PCDHGA7: variants seen among roughly 807,000 people sequenced by gnomAD.
The protein encoded by PCDHGA7 is protocadherin gamma-A7.
In PCDHGA7, 44 loss-of-function variants were observed where a neutral mutation model predicts 58.3. The observed-to-expected ratio is 0.75, with a 90% CI of 0.59 to 0.97. The LOEUF (loss-of-function observed/expected upper bound fraction) is 0.97. Ranked by LOEUF, PCDHGA7 falls within the 50% of genes least tolerant of loss-of-function variation. The pLI, the probability that PCDHGA7 is intolerant of heterozygous loss-of-function variation, is 0.00. For synonymous variants in PCDHGA7, 516 were observed against 504.2 expected, an observed-to-expected ratio of 1.02 and a Z score of -0.31; for missense variants, 1,266 against 1,188.7, an observed-to-expected ratio of 1.06 and a Z score of -0.96.
At chr5:141,395,220 G>A (rs1331532806) in intron 1 of PCDHGA7, 1 of 1,611,732 alleles carries the variant, frequency 6.2e-7, no homozygotes, top group Non-Finnish European at 8.5e-7. Flanking sequence ...ATATAAGAAT[G>A]AAGCTGATCA....
intron 1 of PCDHGA7, chr5:141,403,036 C>T: frequency 1.9e-6 from 3 of 1,614,080 alleles, no homozygotes; most frequent in Non-Finnish European, 2.5e-6. Context: ...AGGCCAGGGC[C>T]AGTCAGATTC....
chr5:141,390,264 G>C lies in PCDHGA7; in HGVS notation c.2424+4941G>C, dbSNP rs771554792. 18 of 1,614,004 alleles carry C rather than the reference G, an allele frequency of 1.1e-5. No individual in the cohort carries two copies. In the African/African-American group the frequency reaches 2.1e-4, roughly 19 times the overall value. Reference sequence around the variant, plus strand: ...CTTATTTCCACTTTGTAATTCCAGTGAATTGACTTCCCATCAGGTGAGTTT... The same window carrying C: ...CTTATTTCCACTTTGTAATTCCAGTCAATTGACTTCCCATCAGGTGAGTTT... On this transcript the variant is annotated intron_variant, in intron 1 of 3. Coordinates refer to ENST00000518325, the MANE Select transcript of PCDHGA7 (RefSeq NM_018920.4).
chr5:141,398,408 A>G (rs2093653088), intron 1 of PCDHGA7: 1 of 1,473,232 alleles, frequency 6.8e-7, no homozygotes, highest in African/African-American at 1.4e-5. Flanking sequence ...GACAGGGAGG[A>G]GATATGCGGG....
chr5:141,400,145 A>T (rs543908773), intron 1 of PCDHGA7: 6 of 1,613,314 alleles, frequency 3.7e-6, no homozygotes, highest in Non-Finnish European at 4.2e-6. Flanking sequence ...GATATCACTG[A>T]CCGCCCTGTA....
intron 1 of PCDHGA7, chr5:141,409,191 A>G: frequency 1.2e-6 from 2 of 1,613,970 alleles, no homozygotes; most frequent in African/African-American, 2.7e-5. Flanking sequence ...CTCTCTACCC[A>G]GTGTAAAGTA....
At chr5:141,388,798 TA>T in intron 1 of PCDHGA7, 3 of 1,613,888 alleles carry the variant, frequency 1.9e-6, no homozygotes, top group Non-Finnish European at 2.5e-6. Flanking sequence ...TTAAATACAT[TA>T]GATTTTGAAG....
chr5:141,455,660 G>A (rs1485792613), intron 1 of PCDHGA7, among the ~76,000 whole-genome samples: 1 of 152,134 alleles, frequency 6.6e-6, no homozygotes, highest in Non-Finnish European at 1.5e-5. Flanking sequence ...CCAGGAACTT[G>A]TGGGGCAAGG....
intron 1 of PCDHGA7, chr5:141,404,904 AG>A: frequency 3.1e-6 from 5 of 1,613,864 alleles, no homozygotes; most frequent in Non-Finnish European, 4.2e-6. Flanking sequence ...GACCATGGCC[AG>A]CCCCCTCTCT....
rs762530904 is a variant in PCDHGA7, at chr5:141,422,966, C to T, written c.2424+37643C>T. The T allele has an allele frequency of 2.5e-6, 4 of 1,614,112 alleles. No individual in the cohort carries two copies. The East Asian group carries it at 8.9e-5, about 36-fold the overall frequency. ...GGCTCCACTGGCGTGGAGCTGGCGC[C>T]CCGCTCTGCGGAACCTGGCTACCTG... On this transcript the variant is annotated intron_variant, in intron 1 of 3. Coordinates refer to ENST00000518325, the MANE Select transcript of PCDHGA7 (RefSeq NM_018920.4).
At chr5:141,503,478 C>T (rs1249372985) in intron 2 of PCDHGA7, among the ~76,000 whole-genome samples, 3 of 151,680 alleles carry the variant, frequency 2.0e-5, no homozygotes, top group East Asian at 1.9e-4. Context: ...GTGCACTTGT[C>T]GTCCCAGCTG....
rs141095222 is a variant in PCDHGA7, at chr5:141,496,668, C to T, written c.2483+1803C>T. Reference sequence around the variant, plus strand: ...CCCTTCCTTTGACCCCAGCTGTTGTCCTTCTCCCTGCTGGCCTTGCCAACC... The same window carrying T: ...CCCTTCCTTTGACCCCAGCTGTTGTTCTTCTCCCTGCTGGCCTTGCCAACC... On this transcript the variant is annotated intron_variant, in intron 2 of 3. Coordinates refer to ENST00000518325, the MANE Select transcript of PCDHGA7 (RefSeq NM_018920.4). Among the ~76,000 whole-genome samples the T allele has an allele frequency of 1.3e-3, 204 of 152,328 alleles. 1 individual carries two copies. The highest frequency in any genetic ancestry group is 5.6e-3 in the Admixed American group (85 of 15,298).
chr5:141,384,943 G>A lies in PCDHGA7; in HGVS notation c.2044G>A (p.Asp682Asn), dbSNP rs777478209. Residue 682 changes from aspartate to asparagine, a missense_variant, in exon 1 of 4, where the codon GAC becomes AAC. Asp to Asn is a conservative substitution (Grantham distance 23). Transcript: ENST00000518325. Reference sequence around the variant, plus strand: ...CGACCTGGGCAGCCTTGAGCCCTCCGACGGTCCTTACAACTATGACCTCAC... The same window carrying A: ...CGACCTGGGCAGCCTTGAGCCCTCCAACGGTCCTTACAACTATGACCTCAC... The part of the protein sequence containing the change: ...LADLGSLEPS[D>N]GPYNYDLTLY... 5.6e-6 allele frequency: 9 copies of A among 1,613,996 alleles called. No homozygotes were observed. The highest frequency in any genetic ancestry group is 2.7e-5 in the African/African-American group (2 of 75,028).
chr5:141,414,526 G>T, intron 1 of PCDHGA7: 1 of 1,613,912 alleles, frequency 6.2e-7, no homozygotes, highest in Non-Finnish European at 8.5e-7. Flanking sequence ...AGATATCAAT[G>T]ACAACCCACC....
intron 1 of PCDHGA7, among the ~76,000 whole-genome samples, chr5:141,472,913 G>A (rs1049221725): frequency 2.0e-5 from 3 of 147,764 alleles, no homozygotes; most frequent in African/African-American, 2.5e-5. Context: ...TTGAACCCAA[G>A]AGGAGGAGGT....
rs963043498 is a variant in PCDHGA7, at chr5:141,383,933, C to T, written c.1034C>T (p.Pro345Leu). ...ITVLDVNDNA[P>L]EVTMTSLSSS... ...GTTTTAGATGTAAATGATAATGCTC[C>T]AGAAGTGACTATGACGTCTTTAAGT... Residue 345 changes from proline to leucine, a missense_variant, in exon 1 of 4, where the codon CCA becomes CTA. Pro to Leu is a moderately conservative substitution (Grantham distance 98, BLOSUM62 -3). Coordinates refer to ENST00000518325, the MANE Select transcript of PCDHGA7 (RefSeq NM_018920.4). The T allele has an allele frequency of 1.9e-6, 3 of 1,613,844 alleles. No homozygotes were observed. Among genetic ancestry groups the T allele is most frequent in the East Asian group, 2.2e-5 (1 of 44,876 alleles).
At position 141,484,932 on chromosome 5, in the gene PCDHGA7, C is replaced by T. The variant is rs1594431677; in HGVS notation, c.2425-9875C>T. On this transcript the variant is annotated intron_variant, in intron 1 of 3. Coordinates refer to ENST00000518325, the MANE Select transcript of PCDHGA7 (RefSeq NM_018920.4). ...CGCATTAACCCTGCTGCTGTTGGGA[C>T]GTTCTCTGCTCAGCCTATTGGCTGA... 1.2e-5 allele frequency: 6 copies of T among 501,356 alleles called. No individual in the cohort carries two copies. The East Asian group carries it at 1.4e-4, about 12-fold the overall frequency. 31.1% of individuals were successfully genotyped at this position (501,356 alleles called of 1,614,324 possible).
At chr5:141,389,391 G>C (rs544096177) in intron 1 of PCDHGA7, 9 of 1,613,686 alleles carry the variant, frequency 5.6e-6, no homozygotes, top group African/African-American at 1.3e-5. Context: ...GTCATCCTAC[G>C]TGTCCATAAG....
intron 1 of PCDHGA7, chr5:141,399,206 C>T (rs2093769623): frequency 1.2e-6 from 2 of 1,613,908 alleles, no homozygotes; most frequent in South Asian, 2.2e-5. Flanking sequence ...GTGCCTGGAA[C>T]ACTAATTGCT....
intron 1 of PCDHGA7, among the ~76,000 whole-genome samples, chr5:141,450,397 C>T (rs529143168): frequency 6.6e-6 from 1 of 152,300 alleles, no homozygotes; most frequent in South Asian, 2.1e-4. Flanking sequence ...TTTGTAAAGA[C>T]TAGAAGCCAT....
Sources: allele counts gnomAD v4.1 joint callset (sites outside exome capture counted in the v4.1 genomes callset), GRCh38; gene constraint gnomAD v4.1.1; transcripts MANE v1.5; gene names NCBI Gene and HGNC (gene_info 2026-07-23, HGNC 2026-07-21).